Variants in SV2C observed in about 807,000 individuals in gnomAD.
SV2C encodes the protein synaptic vesicle glycoprotein 2C, also known as solute carrier family 22 member B3.
Under a neutral mutation model 79.7 loss-of-function variants are expected in SV2C, and 49 were observed. The observed-to-expected ratio is 0.61, with a 90% CI of 0.49 to 0.78. The LOEUF (loss-of-function observed/expected upper bound fraction) is 0.78, where lower values mean the gene tolerates loss of function less well. Among genes scored for constraint, SV2C ranks in the 30% least tolerant of loss-of-function variants. The pLI is 0.00. For missense variants in SV2C, 833 were observed against 912.9 expected (o/e 0.91, Z 1.13); for synonymous variants, 334 against 333.2 (o/e 1.00, Z -0.03).
chr5:76,112,911 A>G (rs1349604918), intron 1 of SV2C, among the ~76,000 whole-genome samples: 1 of 152,234 alleles, frequency 6.6e-6, no homozygotes. Flanking sequence ...AAGACACAAA[A>G]AAGCTAAAGA....
intron 4 of SV2C, among the ~76,000 whole-genome samples, chr5:76,231,848 T>C (rs1459440416): frequency 1.0e-3 from 151 of 145,906 alleles, no homozygotes; most frequent in African/African-American, 3.3e-3. Flanking sequence ...TGTTGGACAT[T>C]TGGGTTGGTT....
At chr5:76,338,394 G>A (rs1749368232), downstream of SV2C, among the ~76,000 whole-genome samples, 1 of 152,218 alleles carries the variant, frequency 6.6e-6, no homozygotes, top group African/African-American at 2.4e-5. Context: ...AATGCCCTTT[G>A]GACTGAGATT....
At chr5:76,296,552 A>G (rs1409733421) in intron 9 of SV2C, among the ~76,000 whole-genome samples, 2 of 152,212 alleles carry the variant, frequency 1.3e-5, no homozygotes, top group Non-Finnish European at 2.9e-5. Flanking sequence ...GTCCTGGGTC[A>G]TTCTTTTAGA....
intron 4 of SV2C, among the ~76,000 whole-genome samples, chr5:76,281,939 A>T (rs1163928535): frequency 6.6e-6 from 1 of 152,252 alleles, no homozygotes; most frequent in Non-Finnish European, 1.5e-5. Context: ...CATGTAAGGT[A>T]ACATATTCAC....
At chr5:76,099,365 C>CGTGTT (rs1747665152) in intron 1 of SV2C, among the ~76,000 whole-genome samples, 1 of 148,506 alleles carries the variant, frequency 6.7e-6, no homozygotes, top group South Asian at 2.2e-4. Flanking sequence ...TTCTTTTGCT[C>CGTGTT]GTGTGTGTGT....
downstream of SV2C, among the ~76,000 whole-genome samples, chr5:76,334,122 CGTGA>C (rs1157723431): frequency 6.6e-6 from 1 of 152,060 alleles, no homozygotes; most frequent in Non-Finnish European, 1.5e-5. Context: ...GTTGATCTTA[CGTGA>C]GTATTTTCCA....
intron 2 of SV2C, among the ~76,000 whole-genome samples, chr5:76,171,593 C>G (rs1166598976): frequency 1.4e-4 from 21 of 145,364 alleles, no homozygotes; most frequent in South Asian, 2.2e-4. Context: ...GCAGCCACCC[C>G]GTCCAGGAGA....
intron 4 of SV2C, among the ~76,000 whole-genome samples, chr5:76,267,977 C>T (rs1746719815): frequency 6.6e-6 from 1 of 152,178 alleles, no homozygotes; most frequent in Non-Finnish European, 1.5e-5. Flanking sequence ...CCCAGCCCAG[C>T]CCTCCTAAGT....
At chr5:75,975,236 A>T in the SV2C span, among the ~76,000 whole-genome samples, 1 of 152,200 alleles carries the variant, frequency 6.6e-6, no homozygotes, top group Non-Finnish European at 1.5e-5. Flanking sequence ...AGGTCAGATC[A>T]CAGGAGTGCA....
intron 3 of SV2C, among the ~76,000 whole-genome samples, chr5:76,198,363 T>C (rs1399730918): frequency 6.6e-6 from 1 of 152,080 alleles, no homozygotes; most frequent in Non-Finnish European, 1.5e-5. Context: ...TGTTTAAAAA[T>C]AGGCCTGGCA....
chr5:76,041,239 T>G, the SV2C span, among the ~76,000 whole-genome samples: 1 of 152,208 alleles, frequency 6.6e-6, no homozygotes, highest in East Asian at 1.9e-4. Flanking sequence ...CTTGCATAAA[T>G]GTACCTGGAC....
At chr5:75,910,454 G>T in the SV2C span, 1 of 599,842 alleles carries the variant, frequency 1.7e-6, no homozygotes. Context: ...CACTTCAGCT[G>T]CACTAAGGAA....
At chr5:75,979,349 C>A in the SV2C span, among the ~76,000 whole-genome samples, 2 of 151,920 alleles carry the variant, frequency 1.3e-5, no homozygotes, top group South Asian at 4.2e-4. Context: ...CAGAAATATT[C>A]ATGACCTGAA....
intron 12 of SV2C, among the ~76,000 whole-genome samples, chr5:76,314,641 G>A (rs1748561346): frequency 6.6e-6 from 1 of 152,172 alleles, no homozygotes; most frequent in African/African-American, 2.4e-5. Flanking sequence ...TCCCAATCCT[G>A]TAAGAGTAGG....
the SV2C span, among the ~76,000 whole-genome samples, chr5:75,952,278 C>CCTTCCTTCCTTCCTTT: frequency 2.3e-5 from 3 of 131,254 alleles, no homozygotes; most frequent in East Asian, 5.9e-4. Flanking sequence ...TTCCTTCCTT[C>CCTTCCTTCCTTCCTTT]CTTCCTTCCT....
chr5:76,135,703 C>T (rs1038747014), intron 2 of SV2C, among the ~76,000 whole-genome samples: 9 of 152,188 alleles, frequency 5.9e-5, no homozygotes, highest in African/African-American at 2.2e-4. Context: ...TGATTTCCAG[C>T]CCCTGGTCAC....
the SV2C span, among the ~76,000 whole-genome samples, chr5:76,005,310 A>T: frequency 6.6e-6 from 1 of 152,248 alleles, no homozygotes; most frequent in African/African-American, 2.4e-5. Context: ...TAAATGTTTG[A>T]AAGACCAAAG....
chr5:76,170,209 T>TCTTTA (rs1411376731), intron 2 of SV2C, among the ~76,000 whole-genome samples: 26 of 146,120 alleles, frequency 1.8e-4, no homozygotes, highest in African/African-American at 5.9e-4. Flanking sequence ...AGACACACAA[T>TCTTTA]CTTTACATCC....
Position 76,182,964 on chromosome 5 carries a change from AG to A in SV2C, c.581-11954del, listed in dbSNP as rs1479702637. Among the ~76,000 whole-genome samples the A allele has an allele frequency of 3.4e-3, 346 of 100,834 alleles. 2 individuals carry two copies. Among genetic ancestry groups the A allele is most frequent in the African/African-American group, 0.014 (327 of 23,824 alleles). 66.2% of individuals were successfully genotyped at this position (100,834 alleles called of 152,430 possible). ...GTGAGAGAGAGAGAGAGAGACAGAGAGAGAGAGAGAGAGTAGGGGGAGGTGC... is the reference window on the plus strand; with the variant it reads ...GTGAGAGAGAGAGAGAGAGACAGAGAAGAGAGAGAGAGTAGGGGGAGGTGC... On this transcript the variant is annotated intron_variant, in intron 2 of 12. Transcript: ENST00000502798.
Sources: allele counts gnomAD v4.1 joint callset (sites outside exome capture counted in the v4.1 genomes callset), GRCh38; gene constraint gnomAD v4.1.1; transcripts MANE v1.5; gene names NCBI Gene and HGNC (gene_info 2026-07-23, HGNC 2026-07-21).